Variants in MACROD2 observed in about 807,000 individuals in gnomAD.
The protein encoded by MACROD2 is mono-ADP ribosylhydrolase 2.
In MACROD2, 36 loss-of-function variants were observed where a neutral mutation model predicts 70.4. The observed-to-expected ratio is 0.51, with a 90% CI of 0.39 to 0.68. The LOEUF is 0.68. MACROD2 is among the 30% of genes least tolerant of loss of function. MACROD2 has a pLI of 0.00. For synonymous variants in MACROD2, 172 were observed against 178.8 expected (o/e 0.96, Z 0.30); for missense variants, 496 against 538.4 (o/e 0.92, Z 0.78).
intron 8 of MACROD2, among the ~76,000 whole-genome samples, chr20:15,575,556 G>A (rs746206046): frequency 2.0e-5 from 3 of 152,110 alleles, no homozygotes; most frequent in African/African-American, 4.8e-5. Context: ...TGGTTGGAGT[G>A]GTGCTGGAGT....
intron 3 of MACROD2, among the ~76,000 whole-genome samples, chr20:14,370,988 C>T (rs2083316936): frequency 6.6e-6 from 1 of 152,072 alleles, no homozygotes; most frequent in African/African-American, 2.4e-5. Flanking sequence ...ATTGTTTATA[C>T]AACAGACTTA....
chr20:14,492,031 G>C (rs1260921682), intron 3 of MACROD2, among the ~76,000 whole-genome samples: 1 of 152,098 alleles, frequency 6.6e-6, no homozygotes, highest in African/African-American at 2.4e-5. Context: ...TCCACTAAAG[G>C]GTATGAGACC....
chr20:14,754,846 T>C (rs555745132), intron 5 of MACROD2, among the ~76,000 whole-genome samples: 2 of 150,908 alleles, frequency 1.3e-5, no homozygotes, highest in Non-Finnish European at 2.9e-5. Flanking sequence ...TTCCATGAAC[T>C]TAAGGATCAC....
At chr20:15,434,664 C>T (rs2046406144) in intron 7 of MACROD2, among the ~76,000 whole-genome samples, 1 of 152,020 alleles carries the variant, frequency 6.6e-6, no homozygotes, top group South Asian at 2.1e-4. Context: ...CAATCCACTA[C>T]TGAGTATTTA....
chr20:15,093,948 C>G (rs1271946343), intron 5 of MACROD2, among the ~76,000 whole-genome samples: 1 of 152,100 alleles, frequency 6.6e-6, no homozygotes, highest in African/African-American at 2.4e-5. Context: ...CAACAGCCAC[C>G]AAGGGATAGA....
At chr20:14,941,681 T>C (rs2074390848) in intron 5 of MACROD2, among the ~76,000 whole-genome samples, 1 of 152,208 alleles carries the variant, frequency 6.6e-6, no homozygotes, top group Admixed American at 6.5e-5. Flanking sequence ...TGTTTTTCTA[T>C]TGGGGGAAAT....
At chr20:14,723,510 G>A (rs574911532) in intron 5 of MACROD2, among the ~76,000 whole-genome samples, 88 of 149,268 alleles carry the variant, frequency 5.9e-4, no homozygotes, top group Non-Finnish European at 9.6e-4. Flanking sequence ...TTTATCCCTC[G>A]GATTTCTTCT....
chr20:15,353,590 T>C (rs2078252439), intron 6 of MACROD2, among the ~76,000 whole-genome samples: 1 of 151,870 alleles, frequency 6.6e-6, no homozygotes, highest in Non-Finnish European at 1.5e-5. Context: ...GAGAAAATTT[T>C]TGCAATCTAC....
chr20:15,716,290 G>A (rs2050706321), intron 8 of MACROD2, among the ~76,000 whole-genome samples: 1 of 152,134 alleles, frequency 6.6e-6, no homozygotes, highest in South Asian at 2.1e-4. Flanking sequence ...TCTCTCCTAC[G>A]AATGGTTTTA....
intron 8 of MACROD2, among the ~76,000 whole-genome samples, chr20:15,535,016 C>T (rs1600550268): frequency 6.6e-6 from 1 of 152,066 alleles, no homozygotes; most frequent in Non-Finnish European, 1.5e-5. Context: ...CACTCTGTCA[C>T]GCAGGCTGAA....
intron 8 of MACROD2, among the ~76,000 whole-genome samples, chr20:15,708,606 G>T (rs992213404): frequency 4.3e-5 from 6 of 140,416 alleles, no homozygotes; most frequent in African/African-American, 1.5e-4. Context: ...CCAGCATGCT[G>T]GCTCACACCT....
chr20:15,644,465 A>T (rs573427305), intron 8 of MACROD2, among the ~76,000 whole-genome samples: 173 of 152,268 alleles, frequency 1.1e-3, no homozygotes, highest in African/African-American at 4.1e-3. Flanking sequence ...CTCACTCAGC[A>T]ACCTCTTTCC....
intron 2 of MACROD2, among the ~76,000 whole-genome samples, chr20:14,077,151 C>A (rs2053925426): frequency 2.9e-5 from 1 of 34,270 alleles, no homozygotes; most frequent in Admixed American, 4.2e-4. Flanking sequence ...TAATTTGCAA[C>A]CTTAGACTTA....
intron 8 of MACROD2, among the ~76,000 whole-genome samples, chr20:15,781,135 ACT>A (rs2051824089): frequency 1.3e-5 from 2 of 152,148 alleles, no homozygotes; most frequent in Admixed American, 1.3e-4. Context: ...TCCCAATAAA[ACT>A]CTATAGGAGA....
At chr20:15,208,190 C>G (rs1436524225) in intron 5 of MACROD2, among the ~76,000 whole-genome samples, 1 of 152,100 alleles carries the variant, frequency 6.6e-6, no homozygotes, top group Non-Finnish European at 1.5e-5. Context: ...TCCCTCTGTC[C>G]TCTCCATTAT....
intron 3 of MACROD2, among the ~76,000 whole-genome samples, chr20:14,396,591 G>C (rs1280626113): frequency 6.6e-6 from 1 of 152,040 alleles, no homozygotes; most frequent in Non-Finnish European, 1.5e-5. Context: ...ACATTAAAAG[G>C]GGATTATCTG....
At chr20:14,827,437 T>A (rs769179851) in intron 5 of MACROD2, among the ~76,000 whole-genome samples, 1 of 152,168 alleles carries the variant, frequency 6.6e-6, no homozygotes, top group Non-Finnish European at 1.5e-5. Flanking sequence ...ATGGCATGGA[T>A]GCTTTGTTTA....
chr20:14,179,200 T>C (rs1187144288), intron 3 of MACROD2, among the ~76,000 whole-genome samples: 1 of 152,166 alleles, frequency 6.6e-6, no homozygotes, highest in African/African-American at 2.4e-5. Flanking sequence ...GAGCATAGTC[T>C]CTTGTGGGAT....
chr20:15,370,856 C>A (rs954681495), intron 6 of MACROD2, among the ~76,000 whole-genome samples: 6 of 151,916 alleles, frequency 3.9e-5, no homozygotes, highest in Non-Finnish European at 7.4e-5. Flanking sequence ...AGGGTGGTAA[C>A]CAAGAGACTC....
Sources: gnomAD v4.1 joint callset for allele counts (sites outside exome capture counted in the v4.1 genomes callset) on GRCh38, gnomAD v4.1.1 for gene constraint, MANE v1.5 for transcripts, NCBI Gene and HGNC (gene_info 2026-07-23, HGNC 2026-07-21) for gene names.